GUCY1A1: variants seen among roughly 807,000 people sequenced by gnomAD.
The protein encoded by GUCY1A1 is guanylate cyclase 1 soluble subunit alpha 1, also known as guanylate cyclase soluble subunit alpha-1.
Under a neutral mutation model 64.5 loss-of-function variants are expected in GUCY1A1, and 48 were observed. The ratio of observed to expected loss-of-function variants is 0.74; its 90% CI spans 0.59 to 0.95. The LOEUF (loss-of-function observed/expected upper bound fraction) is 0.95, where lower values mean the gene tolerates loss of function less well. GUCY1A1 is among the 40% of genes least tolerant of loss of function. The pLI, the probability that GUCY1A1 is intolerant of heterozygous loss-of-function variation, is 0.00. For missense variants in GUCY1A1, 804 were observed against 825.3 expected, an observed-to-expected ratio of 0.97 and a Z score of 0.32; for synonymous variants, 308 against 303.4, an observed-to-expected ratio of 1.02 and a Z score of -0.16.
At position 155,733,121 on chromosome 4, in the gene GUCY1A1, T is replaced by C. The variant is rs1285950281; in HGVS notation, c.*2890T>C. Among the ~76,000 whole-genome samples the C allele has an allele frequency of 6.6e-6, 1 of 151,896 alleles. No individual in the cohort carries two copies. Among genetic ancestry groups the C allele is most frequent in the Non-Finnish European group, 1.5e-5 (1 of 67,900 alleles). ...TTTTCATTTATTCATTCATGAAGAA[T>C]TTATTGAATGCCTACTATGTGCCAG... On this transcript the variant is annotated 3_prime_UTR_variant, in exon 10 of 10. Transcript: ENST00000506455.
At chr4:155,667,976 G>C (rs1032202140) in intron 2 of GUCY1A1, 1 of 152,304 alleles carries the variant, frequency 6.6e-6, no homozygotes, top group Non-Finnish European at 1.5e-5. Context: ...GCGATCGCTG[G>C]GCTGCCCAGA....
At chr4:155,683,429 G>A (rs986803643) in intron 2 of GUCY1A1, among the ~76,000 whole-genome samples, 2 of 152,190 alleles carry the variant, frequency 1.3e-5, no homozygotes, top group Admixed American at 1.3e-4. Context: ...TATACCAGAT[G>A]ACTCAGAGCC....
intron 4 of GUCY1A1, among the ~76,000 whole-genome samples, chr4:155,707,625 G>T (rs1731955481): frequency 6.6e-6 from 1 of 151,176 alleles, no homozygotes; most frequent in South Asian, 2.1e-4. Context: ...AAAATCCTAA[G>T]TCTGAGACTG....
chr4:155,730,358 A>G lies in GUCY1A1; in HGVS notation c.*127A>G, dbSNP rs1579142579. On this transcript the variant is annotated 3_prime_UTR_variant, in exon 10 of 10. Transcript: ENST00000506455. ...TTAAAATTTCAGGAGCCAAGTCACA[A>G]TCTTTCTCCTGTTTAACATGACAAA... 1.8e-6 allele frequency: 1 copy of G among 568,800 alleles called. No individual in the cohort carries two copies. The highest frequency in any genetic ancestry group is 2.8e-5 in the East Asian group (1 of 35,966). 35.2% of individuals were successfully genotyped at this position (568,800 alleles called of 1,614,324 possible). A position where few individuals can be genotyped will look rare whatever the true frequency, so the allele number is the denominator to read the frequency against.
At position 155,734,110 on chromosome 4, in the gene GUCY1A1, C is replaced by G. The variant is rs1735828490; in HGVS notation, c.*3879C>G. 1.3e-5 allele frequency among the ~76,000 whole-genome samples: 2 copies of G among 151,916 alleles called. No homozygotes were observed. The highest frequency in any genetic ancestry group is 2.9e-5 in the Non-Finnish European group (2 of 67,910). ...CCACGCCAAGGCAAAGACTTCCCAG[C>G]TCTGTCTCAGGTTAGGTTAAAAGAA... On this transcript the variant is annotated 3_prime_UTR_variant, in exon 10 of 10. Transcript: ENST00000506455.
Position 155,713,221 on chromosome 4 carries a change from C to G in GUCY1A1, c.1210C>G (p.Pro404Ala), listed in dbSNP as rs1397390449. ...TGRGLYLSDI[P>A]IHNALRDVVL... is the part of the protein sequence containing the mutation. The stretch of plus-strand genomic sequence containing the variant: ...ACGAGGGCTCTACCTCTCAGACATC[C>G]CAATTCACAATGCACTGAGGGATGT... Residue 404 changes from proline (P) to alanine (A), a missense_variant, in exon 7 of 10, where the codon CCA (proline) becomes GCA (alanine). By Grantham distance (27) the Pro-to-Ala change is conservative. Transcript: ENST00000506455. 1 of 1,614,084 alleles carries G rather than the reference C, an allele frequency of 6.2e-7. No individual in the cohort carries two copies.
chr4:155,671,179 T>C (rs1734099210), intron 2 of GUCY1A1, among the ~76,000 whole-genome samples: 1 of 152,162 alleles, frequency 6.6e-6, no homozygotes, highest in Non-Finnish European at 1.5e-5. Flanking sequence ...ATGGTCTTGG[T>C]GACAGAGACC....
chr4:155,721,189 AGGGGTTCG>A (rs56393988), intron 8 of GUCY1A1, among the ~76,000 whole-genome samples: 60,104 of 151,742 alleles, frequency 0.4, 12,085 homozygotes, highest in African/African-American at 0.47. Context: ...ATTTGGGCCC[AGGGGTTCG>A]AGGTTACAGT....
intron 4 of GUCY1A1, among the ~76,000 whole-genome samples, chr4:155,705,243 AG>A (rs1181433255): frequency 6.6e-6 from 1 of 152,270 alleles, no homozygotes; most frequent in Non-Finnish European, 1.5e-5. Context: ...AATACAATTT[AG>A]CACATTTACT....
At chr4:155,673,204 CT>C (rs1734395453) in intron 2 of GUCY1A1, among the ~76,000 whole-genome samples, 1 of 151,274 alleles carries the variant, frequency 6.6e-6, no homozygotes, top group Admixed American at 6.6e-5. Flanking sequence ...TAACACTCTT[CT>C]TAGAGACTCA....
At chr4:155,709,195 C>A (rs942653531) in intron 5 of GUCY1A1, among the ~76,000 whole-genome samples, 11 of 13,110 alleles carry the variant, frequency 8.4e-4, no homozygotes, top group Non-Finnish European at 2.1e-3. Flanking sequence ...TCAAAACGGT[C>A]GTCCTGACAC....
chr4:155,710,791 G>C lies in GUCY1A1; in HGVS notation c.626G>C (p.Arg209Thr). 2.5e-6 allele frequency: 4 copies of C among 1,614,056 alleles called. No individual in the cohort carries two copies. The highest frequency in any genetic ancestry group is 3.4e-6 in the Non-Finnish European group (4 of 1,179,948). ...CATGTTTACTACTTCTTCCCTAAGA[G>C]AACCACCTCCCTGATTCTTCCCGGC... ...FLHVYYFFPK[R>T]TTSLILPGII... The change falls in exon 6 of 10, where the codon AGA becomes ACA. Residue 209 changes from arginine to threonine, a missense_variant. By Grantham distance (71) the Arg-to-Thr change is moderately conservative. Coordinates refer to ENST00000506455, the MANE Select transcript of GUCY1A1 (RefSeq NM_001130682.3).
At chr4:155,694,656 G>A (rs1164854982) in intron 2 of GUCY1A1, among the ~76,000 whole-genome samples, 1 of 152,072 alleles carries the variant, frequency 6.6e-6, no homozygotes, top group Non-Finnish European at 1.5e-5. Context: ...ATCTCTGGCT[G>A]GCTTCACACT....
At position 155,730,682 on chromosome 4, in the gene GUCY1A1, T is replaced by C. The variant is rs1735443483; in HGVS notation, c.*451T>C. 6.5e-6 allele frequency: 1 copy of C among 154,056 alleles called. No homozygotes were observed. Among genetic ancestry groups the C allele is most frequent in the African/African-American group, 2.4e-5 (1 of 41,434 alleles). The allele number at this position is 154,056 out of a possible 1,614,324, so 9.5% of individuals were successfully genotyped here. A position where few individuals can be genotyped will look rare whatever the true frequency, so the allele number is the denominator to read the frequency against. ...TGACACCCTCAGTTCTTTCAAACTT[T>C]CAACTCTGCATTTTATTGCATTTTC... is the stretch of plus-strand genomic sequence containing the variant. On this transcript the variant is annotated 3_prime_UTR_variant, in exon 10 of 10. Coordinates refer to ENST00000506455, the MANE Select transcript of GUCY1A1 (RefSeq NM_001130682.3).
rs1448926243 is a variant in GUCY1A1 at position 155,732,266 on chromosome 4, T to C, written c.*2035T>C. 1 of 151,858 alleles carries C rather than the reference T, an allele frequency of 6.6e-6. No homozygotes were observed. The highest frequency in any genetic ancestry group is 1.5e-5 in the Non-Finnish European group (1 of 67,856). The allele number at this position is 151,858 out of a possible 1,614,324, so 9.4% of individuals were successfully genotyped here. A position where few individuals can be genotyped will look rare whatever the true frequency, so the allele number is the denominator to read the frequency against. On this transcript the variant is annotated 3_prime_UTR_variant, in exon 10 of 10. Transcript: ENST00000506455. ...GAATGTATATAATCTTGGTGAAAAG[T>C]TGTATGGGAGTTTTTTGTACGATTC...
intron 2 of GUCY1A1, among the ~76,000 whole-genome samples, chr4:155,680,972 C>T (rs1735676182): frequency 6.6e-6 from 1 of 151,876 alleles, no homozygotes; most frequent in African/African-American, 2.4e-5. Flanking sequence ...CACATGCACA[C>T]ACACACACAC....
rs956159018 is a variant in GUCY1A1 at position 155,732,862 on chromosome 4, T to C, written c.*2631T>C. Among the ~76,000 whole-genome samples the C allele has an allele frequency of 2.0e-5, 3 of 151,942 alleles. No individual in the cohort carries two copies. The highest frequency in any genetic ancestry group is 6.6e-5 in the Admixed American group (1 of 15,222). Reference sequence around the variant, plus strand: ...TTCCATTCATGGCTTCTTGTCCTGTTGTTTTTTGTGTCGAGTACACTATAT... The same window carrying C: ...TTCCATTCATGGCTTCTTGTCCTGTCGTTTTTTGTGTCGAGTACACTATAT... On this transcript the variant is annotated 3_prime_UTR_variant, in exon 10 of 10. Transcript: ENST00000506455.
rs766084785 is a variant in GUCY1A1, at chr4:155,711,223, G to A, written c.1058G>A (p.Trp353Ter). 3 of 1,591,590 alleles carry A rather than the reference G, an allele frequency of 1.9e-6. No homozygotes were observed. Among genetic ancestry groups the A allele is most frequent in the Non-Finnish European group, 2.6e-6 (3 of 1,159,762 alleles). The change falls in exon 6 of 10, where the codon TGG (tryptophan) becomes TAG (stop). Residue 353 changes from tryptophan to a stop codon, truncating the protein, a stop_gained. Coordinates refer to ENST00000506455, the MANE Select transcript of GUCY1A1 (RefSeq NM_001130682.3). LOFTEE classifies it high-confidence loss of function. ...NMQFVVRVRR[W>*]DNSVKKSSRV... ...CAGTTTGTTGTACGAGTGAGGAGAT[G>A]GGACAACTCTGTGAAAAAATCTTCA...
intron 2 of GUCY1A1, among the ~76,000 whole-genome samples, chr4:155,693,743 C>T (rs1436883387): frequency 6.6e-6 from 1 of 152,118 alleles, no homozygotes; most frequent in Non-Finnish European, 1.5e-5. Flanking sequence ...CACTGTTCGG[C>T]TTATTTCCTG....
Sources: gnomAD v4.1 joint callset for allele counts (sites outside exome capture counted in the v4.1 genomes callset) on GRCh38, gnomAD v4.1.1 for gene constraint, MANE v1.5 for transcripts, NCBI Gene and HGNC (gene_info 2026-07-23, HGNC 2026-07-21) for gene names.